Variants in CLIC4 observed in about 807,000 individuals in gnomAD.
CLIC4 encodes CLIC family member 4.
Under a neutral mutation model 24.6 loss-of-function variants are expected in CLIC4, and 13 were observed. The observed-to-expected ratio is 0.53, with a 90% CI of 0.34 to 0.84. The LOEUF (loss-of-function observed/expected upper bound fraction) is 0.84, where lower values mean the gene tolerates loss of function less well. CLIC4 is among the 40% of genes least tolerant of loss of function. The pLI is 0.01. For missense variants in CLIC4, 227 were observed against 301.7 expected, an observed-to-expected ratio of 0.75 and a Z score of 1.83; for synonymous variants, 104 against 111.3, an observed-to-expected ratio of 0.93 and a Z score of 0.41.
At position 24,766,201 on chromosome 1, in the gene CLIC4, C is replaced by T. The variant is rs1638993094; in HGVS notation, c.72+20576C>T. ...TGTATTTTTAGTGGAGACAGGGTTA[C>T]ACCATGTTGGCCAGGATGGTCTCAA... is the stretch of plus-strand genomic sequence containing the variant. On this transcript the variant is annotated intron_variant, in intron 1 of 5. Coordinates refer to ENST00000374379, the MANE Select transcript of CLIC4 (RefSeq NM_013943.3). Among the ~76,000 whole-genome samples, 4 of 151,896 alleles carry T rather than the reference C, an allele frequency of 2.6e-5. No homozygotes were observed. In the South Asian group the frequency reaches 6.2e-4, roughly 24 times the overall value.
intron 2 of CLIC4, among the ~76,000 whole-genome samples, chr1:24,812,371 A>C (rs771935591): frequency 3.9e-5 from 6 of 152,150 alleles, no homozygotes; most frequent in Non-Finnish European, 5.9e-5. Context: ...ATAGCACCAG[A>C]ATTTGGAATC....
intron 3 of CLIC4, among the ~76,000 whole-genome samples, chr1:24,824,292 G>A (rs558321737): frequency 2.0e-5 from 3 of 151,724 alleles, no homozygotes; most frequent in South Asian, 2.1e-4. Context: ...TTTTTGAGAC[G>A]CAGTCTCGCT....
intron 4 of CLIC4, among the ~76,000 whole-genome samples, chr1:24,838,151 T>C (rs1015471778): frequency 7.2e-5 from 11 of 151,902 alleles, no homozygotes; most frequent in Non-Finnish European, 1.5e-4. Context: ...ACCCTGGGAG[T>C]CTTTAGTTTG....
intron 1 of CLIC4, among the ~76,000 whole-genome samples, chr1:24,751,117 C>T (rs1479921295): frequency 6.6e-6 from 1 of 151,660 alleles, no homozygotes; most frequent in African/African-American, 2.4e-5. Flanking sequence ...AAGCATGGTT[C>T]TTCATCCTGA....
chr1:24,820,779 T>C (rs959729629), intron 3 of CLIC4, among the ~76,000 whole-genome samples: 5 of 152,232 alleles, frequency 3.3e-5, no homozygotes, highest in Non-Finnish European at 5.9e-5. Flanking sequence ...TTATATAAAT[T>C]CTTCCAAGTA....
chr1:24,839,798 C>G (rs905853982), intron 4 of CLIC4, 62 bp from the exon 5 acceptor site: 1 of 1,422,432 alleles, frequency 7.0e-7, no homozygotes, highest in Non-Finnish European at 9.7e-7. Flanking sequence ...GTCTGCTTCT[C>G]CTTGGGGACT....
At chr1:24,805,014 G>A (rs1438147093) in intron 2 of CLIC4, among the ~76,000 whole-genome samples, 1 of 137,752 alleles carries the variant, frequency 7.3e-6, no homozygotes, top group Non-Finnish European at 1.5e-5. Context: ...CAGGAGAATT[G>A]CTTGAATCCG....
At chr1:24,805,086 C>CAAAAAAAAAAAAAAAAAA (rs757976140) in intron 2 of CLIC4, among the ~76,000 whole-genome samples, 12 of 46,766 alleles carry the variant, frequency 2.6e-4, no homozygotes, top group Non-Finnish European at 3.4e-4. Flanking sequence ...GACTCCATGT[C>CAAAAAAAAAAAAAAAAAA]AAAAAAAAAA....
chr1:24,807,798 T>C (rs1329250567), intron 2 of CLIC4, among the ~76,000 whole-genome samples: 1 of 152,210 alleles, frequency 6.6e-6, no homozygotes, highest in Non-Finnish European at 1.5e-5. Flanking sequence ...AAAAAAACTG[T>C]TTGTGAAAAA....
chr1:24,757,985 C>G (rs552228838), intron 1 of CLIC4, among the ~76,000 whole-genome samples: 3 of 152,116 alleles, frequency 2.0e-5, no homozygotes, highest in Non-Finnish European at 4.4e-5. Context: ...TCTCAAACTC[C>G]AGGGCTCAAG....
chr1:24,766,898 A>G (rs565752768), intron 1 of CLIC4, among the ~76,000 whole-genome samples: 2 of 151,842 alleles, frequency 1.3e-5, no homozygotes, highest in South Asian at 4.2e-4. Flanking sequence ...ATCATAATGG[A>G]AGACTGGATC....
chr1:24,772,790 G>A (rs939605442), intron 1 of CLIC4, among the ~76,000 whole-genome samples: 15 of 152,066 alleles, frequency 9.9e-5, no homozygotes, highest in Admixed American at 6.6e-5. Context: ...GGCTGATTTT[G>A]TAATATATTT....
chr1:24,829,618 TACTC>T (rs1440168894), intron 4 of CLIC4, among the ~76,000 whole-genome samples: 3 of 152,170 alleles, frequency 2.0e-5, no homozygotes, highest in African/African-American at 4.8e-5. Flanking sequence ...ATATTTATAA[TACTC>T]AGTCATTGAT....
intron 3 of CLIC4, among the ~76,000 whole-genome samples, chr1:24,817,266 G>A (rs1340274313): frequency 6.6e-6 from 1 of 150,494 alleles, no homozygotes; most frequent in East Asian, 1.9e-4. Flanking sequence ...AGATAGATCA[G>A]CTAGATCTTC....
intron 1 of CLIC4, among the ~76,000 whole-genome samples, chr1:24,786,348 C>T (rs1297833084): frequency 1.3e-5 from 2 of 152,232 alleles, no homozygotes; most frequent in African/African-American, 4.8e-5. Flanking sequence ...TTGGCATCTG[C>T]CATTGACCCC....
rs569064633 is a variant in CLIC4 at position 24,827,232 on chromosome 1, A to G, written c.415+116A>G. On this transcript the variant is annotated intron_variant, in intron 4 of 5. Transcript: ENST00000374379. ...TAGAGTCCAGCCATTCCCATAAGTAATAAAAACTGTCTTTCAGAGTTGGTC... is the reference window on the plus strand; with the variant it reads ...TAGAGTCCAGCCATTCCCATAAGTAGTAAAAACTGTCTTTCAGAGTTGGTC... 1.2e-4 allele frequency: 75 copies of G among 642,636 alleles called. 1 individual carries two copies. In the African/African-American group the frequency reaches 1.2e-3, roughly 10 times the overall value. 39.8% of individuals were successfully genotyped at this position (642,636 alleles called of 1,614,324 possible).
chr1:24,746,722 A>G (rs534912133), intron 1 of CLIC4, among the ~76,000 whole-genome samples: 1 of 152,306 alleles, frequency 6.6e-6, no homozygotes, highest in African/African-American at 2.4e-5. Context: ...TAAGAGATAG[A>G]GAAGGGCTGG....
chr1:24,823,099 A>C (rs564440765), intron 3 of CLIC4, among the ~76,000 whole-genome samples: 7 of 152,294 alleles, frequency 4.6e-5, no homozygotes, highest in Non-Finnish European at 7.4e-5. Context: ...TTGTCATTTG[A>C]TGTACTGAGA....
At chr1:24,758,755 G>A (rs1254386537) in intron 1 of CLIC4, among the ~76,000 whole-genome samples, 3 of 151,852 alleles carry the variant, frequency 2.0e-5, no homozygotes, top group East Asian at 3.9e-4. Context: ...CATCATGCCC[G>A]GCCCTTAGTC....
Sources: allele counts gnomAD v4.1 joint callset (sites outside exome capture counted in the v4.1 genomes callset), GRCh38; gene constraint gnomAD v4.1.1; transcripts MANE v1.5; gene names NCBI Gene and HGNC (gene_info 2026-07-23, HGNC 2026-07-21).